Variants in TRIO observed in about 807,000 individuals in gnomAD.
The protein encoded by TRIO is trio Rho guanine nucleotide exchange factor.
A neutral mutation model predicts 351.9 loss-of-function variants in TRIO; 58 were observed. The ratio of observed to expected loss-of-function variants is 0.16; its 90% CI spans 0.13 to 0.21. The LOEUF is 0.21. Ranked by LOEUF, TRIO falls within the 10% of genes least tolerant of loss-of-function variation. The pLI is 1.00. For synonymous variants in TRIO, 1,758 were observed against 1,595.7 expected (o/e 1.10, Z -2.42); for missense variants, 3,201 against 4,027.8 (o/e 0.79, Z 5.56).
chr5:14,414,117 G>T (rs1579585284), intron 33 of TRIO, among the ~76,000 whole-genome samples: 2 of 152,226 alleles, frequency 1.3e-5, no homozygotes, highest in East Asian at 1.9e-4. Flanking sequence ...GAGCCTAGGG[G>T]AGTGCACTAC....
chr5:14,355,701 A>G (rs1743557478), intron 11 of TRIO, among the ~76,000 whole-genome samples: 1 of 152,386 alleles, frequency 6.6e-6, no homozygotes, highest in Non-Finnish European at 1.5e-5. Context: ...TGCAACTGCC[A>G]TGTTCATGAG....
intron 30 of TRIO, among the ~76,000 whole-genome samples, chr5:14,400,181 GA>G (rs1321916001): frequency 6.6e-6 from 1 of 152,106 alleles, no homozygotes; most frequent in Non-Finnish European, 1.5e-5. Flanking sequence ...TGACTGGAAA[GA>G]AAAAAATGCA....
chr5:14,438,334 C>CTAA (rs1751759483), intron 34 of TRIO, among the ~76,000 whole-genome samples: 1 of 152,212 alleles, frequency 6.6e-6, no homozygotes, highest in Admixed American at 6.5e-5. Context: ...TACTTACTTG[C>CTAA]TAATGTTCTC....
In TRIO at chr5:14,497,710, A is replaced by G; in HGVS notation, c.8020-137A>G. On this transcript the variant is annotated intron_variant, in intron 50 of 56. Coordinates refer to ENST00000344204, the MANE Select transcript of TRIO (RefSeq NM_007118.4). This position sits in a 1 kb window ranked among gnomAD's most constrained non-coding sequence, Gnocchi z 4.4. ...CATGAAACTTTTGAGTGCAGTGAAA[A>G]TGTGGTCTGTTTTGATTGATGCCCA... 1.8e-6 allele frequency: 2 copies of G among 1,103,762 alleles called. No homozygotes were observed. Among genetic ancestry groups the G allele is most frequent in the Non-Finnish European group, 2.7e-6 (2 of 734,542 alleles). 68.4% of individuals were successfully genotyped at this position (1,103,762 alleles called of 1,614,324 possible).
chr5:14,341,452 A>G (rs1179527618), intron 11 of TRIO, among the ~76,000 whole-genome samples: 1 of 152,206 alleles, frequency 6.6e-6, no homozygotes, highest in Non-Finnish European at 1.5e-5. Context: ...GCCCAGGACC[A>G]TGTCTCACTT....
intron 53 of TRIO, among the ~76,000 whole-genome samples, chr5:14,502,342 C>T (rs1757355190): frequency 1.3e-5 from 2 of 152,206 alleles, no homozygotes; most frequent in Admixed American, 1.3e-4. Context: ...TATTAGATTT[C>T]AACATGAAAT....
In TRIO at chr5:14,243,317, GT is replaced by G. The variant is rs201642661; in HGVS notation, c.158-27496del. 9.0e-3 allele frequency among the ~76,000 whole-genome samples: 1,284 copies of G among 143,202 alleles called. 17 individuals carry two copies. The highest frequency in any genetic ancestry group is 0.061 in the East Asian group (305 of 4,962). The allele number at this position is 143,202 out of a possible 152,430, so 93.9% of individuals were successfully genotyped here. A position where few individuals can be genotyped will look rare whatever the true frequency, so the allele number is the denominator to read the frequency against. On this transcript the variant is annotated intron_variant, in intron 1 of 56. Transcript: ENST00000344204. The stretch of plus-strand genomic sequence containing the variant: ...TTTGCTCGCAACTTAGACATGAAAT[GT>G]TTTTTTTTTTTAAGTTAGATTTAAA...
intron 1 of TRIO, among the ~76,000 whole-genome samples, chr5:14,194,317 C>G (rs1327862382): frequency 6.6e-6 from 1 of 152,082 alleles, no homozygotes; most frequent in Non-Finnish European, 1.5e-5. Flanking sequence ...CTCTCTTTTT[C>G]TCTGTAAAGT....
At chr5:14,180,100 C>CA (rs70964542) in intron 1 of TRIO, among the ~76,000 whole-genome samples, 2,736 of 27,560 alleles carry the variant, frequency 0.099, 548 homozygotes, top group Non-Finnish European at 0.11. Flanking sequence ...GACTCCTGCT[C>CA]AAAAAAAAAA....
Position 14,143,842 on chromosome 5 carries a change from G to T in TRIO, c.117G>T (p.Ala39=). 9.3e-7 allele frequency: 1 copy of T among 1,072,734 alleles called. No homozygotes were observed. The highest frequency in any genetic ancestry group is 1.1e-6 in the Non-Finnish European group (1 of 887,696). 66.5% of individuals were successfully genotyped at this position (1,072,734 alleles called of 1,614,324 possible). A position where few individuals can be genotyped will look rare whatever the true frequency, so the allele number is the denominator to read the frequency against. ...GTGCCGGCGAGGGGGCAGAGGAGGC[G>T]GCCAAGGACCTGGCCGACATCGCGG... ...GGGAGEGAEE[A]AKDLADIAAF... is the part of the protein sequence containing the mutation. Residue 39 remains alanine, a synonymous_variant, in exon 1 of 57, where the codon GCG becomes GCT. Coordinates refer to ENST00000344204, the MANE Select transcript of TRIO (RefSeq NM_007118.4).
At chr5:14,320,067 A>G (rs953545702) in intron 9 of TRIO, among the ~76,000 whole-genome samples, 5 of 151,828 alleles carry the variant, frequency 3.3e-5, no homozygotes, top group South Asian at 2.1e-4. Context: ...TGCCTTTGCC[A>G]TTGTTCACTT....
chr5:14,444,159 G>T (rs1256680301), intron 34 of TRIO, among the ~76,000 whole-genome samples: 1 of 151,802 alleles, frequency 6.6e-6, no homozygotes, highest in Non-Finnish European at 1.5e-5. Flanking sequence ...AAATTAAAGG[G>T]AAACATTCCA....
intron 11 of TRIO, among the ~76,000 whole-genome samples, chr5:14,340,200 C>T (rs760888437): frequency 3.3e-4 from 50 of 152,066 alleles, no homozygotes; most frequent in Non-Finnish European, 5.1e-4. Flanking sequence ...CGAGACCATC[C>T]TGGCTAACAC....
intron 41 of TRIO, 22 bp downstream of exon 41, chr5:14,476,985 A>G (rs1424347912): frequency 6.2e-7 from 1 of 1,604,656 alleles, no homozygotes; most frequent in Admixed American, 1.7e-5. Flanking sequence ...AGCATTGCTT[A>G]TATCCTGTTC....
Position 14,366,955 on chromosome 5 carries a change from C to G in TRIO, c.2850C>G (p.His950Gln). The change falls in exon 16 of 57, where the codon CAC becomes CAG. Residue 950 changes from histidine to glutamine, a missense_variant. Around this residue, in one of 19 missense-constraint regions of TRIO, gnomAD observed 363 missense variants for 553.5 expected, o/e 0.66. Transcript: ENST00000344204. ...LQEAEQLQRE[H>Q]EQFQHAIEKT... is the part of the protein sequence containing the mutation. ...AGGCAGAGCAGCTCCAGCGAGAGCA[C>G]GAGCAGTTCCAGCATGCCATTGAGG... is the stretch of plus-strand genomic sequence containing the variant. 1 of 1,614,122 alleles carries G rather than the reference C, an allele frequency of 6.2e-7. No individual in the cohort carries two copies. Among genetic ancestry groups the G allele is most frequent in the Non-Finnish European group, 8.5e-7 (1 of 1,180,032 alleles).
intron 10 of TRIO, among the ~76,000 whole-genome samples, chr5:14,335,736 G>A (rs548216972): frequency 6.6e-6 from 1 of 152,190 alleles, no homozygotes; most frequent in Non-Finnish European, 1.5e-5. Flanking sequence ...AGGCCAAGAC[G>A]AGAGGATTAT....
intron 4 of TRIO, 69 bp downstream of exon 4, chr5:14,287,132 A>T (rs1440095493): frequency 2.0e-6 from 3 of 1,493,248 alleles, no homozygotes; most frequent in Non-Finnish European, 2.7e-6. Context: ...ATTGAGGCTA[A>T]TGAGAGATTT....
At chr5:14,463,209 TA>T (rs1464783351) in intron 36 of TRIO, among the ~76,000 whole-genome samples, 1 of 152,230 alleles carries the variant, frequency 6.6e-6, no homozygotes, top group African/African-American at 2.4e-5. Context: ...AAAGTAATTT[TA>T]AAGTTTCCTA....
rs553990615 is a variant in TRIO, at chr5:14,405,041, G to T, written c.4717-807G>T. Among the ~76,000 whole-genome samples, 329 of 151,344 alleles carry T rather than the reference G, an allele frequency of 2.2e-3. 1 individual carries two copies. Among genetic ancestry groups the T allele is most frequent in the Non-Finnish European group, 3.7e-3 (252 of 67,904 alleles). On this transcript the variant is annotated intron_variant, in intron 31 of 56. Transcript: ENST00000344204. Reference sequence around the variant, plus strand: ...AGGAAATTAGAAAGCTGTTAGGAAGGCCCAGAACATGCAGAAAGAAAAAAA... The same window carrying T: ...AGGAAATTAGAAAGCTGTTAGGAAGTCCCAGAACATGCAGAAAGAAAAAAA...
Sources: gnomAD v4.1 joint callset for allele counts (sites outside exome capture counted in the v4.1 genomes callset) on GRCh38, gnomAD v4.1.1 for gene constraint, gnomAD v4.1.1 regional missense constraint, Gnocchi (gnomAD v3.1) non-coding constraint, MANE v1.5 for transcripts, NCBI Gene and HGNC (gene_info 2026-07-23, HGNC 2026-07-21) for gene names.